ECE1: variants seen among roughly 807,000 people sequenced by gnomAD.
ECE1 encodes the protein endothelin converting enzyme 1.
In ECE1, 35 loss-of-function variants were observed where a neutral mutation model predicts 98.6. That is an observed-to-expected ratio of 0.35 (90% CI 0.27 to 0.47). ECE1 has a LOEUF of 0.47. Among genes scored for constraint, ECE1 ranks in the 20% least tolerant of loss-of-function variants. The probability of loss-of-function intolerance (pLI) is 1.00; values close to 1 mark genes in which losing one functional copy is unlikely to be tolerated. For synonymous variants in ECE1, 394 were observed against 407.1 expected (o/e 0.97, Z 0.39); for missense variants, 814 against 1,025.3 (o/e 0.79, Z 2.81).
At chr1:21,320,082 T>C (rs1322908455) in intron 1 of ECE1, among the ~76,000 whole-genome samples, 2 of 152,256 alleles carry the variant, frequency 1.3e-5, no homozygotes, top group African/African-American at 4.8e-5. Context: ...TATGAATCTG[T>C]GGTGAGCCGC....
At chr1:21,253,143 G>A (rs1171443265) in intron 8 of ECE1, among the ~76,000 whole-genome samples, 5 of 151,822 alleles carry the variant, frequency 3.3e-5, no homozygotes, top group South Asian at 2.1e-4. Flanking sequence ...TGCAACCTCC[G>A]CCTCCTGGGT....
rs2236841 is a variant in ECE1, at chr1:21,269,219, C to T, written c.493+3480G>A. ...AGGTCCCACAGCTCTGGGTCTAATC[C>T]CAGCCTCACCATTTCCTAGGAAATA... On this transcript the variant is annotated intron_variant, in intron 4 of 18. Coordinates refer to ENST00000374893, the MANE Select transcript of ECE1 (RefSeq NM_001397.3). Among the ~76,000 whole-genome samples, 9 of 152,322 alleles carry T rather than the reference C, an allele frequency of 5.9e-5. No individual in the cohort carries two copies. The East Asian group carries it at 1.7e-3, about 29-fold the overall frequency.
intron 9 of ECE1, among the ~76,000 whole-genome samples, chr1:21,245,672 C>A (rs1281719021): frequency 1.3e-5 from 2 of 152,148 alleles, no homozygotes; most frequent in African/African-American, 4.8e-5. Context: ...AACCTCTAAT[C>A]AGAATCAACC....
intron 1 of ECE1, among the ~76,000 whole-genome samples, chr1:21,334,409 C>T (rs576784599): frequency 6.6e-6 from 1 of 152,234 alleles, no homozygotes; most frequent in East Asian, 1.9e-4. Flanking sequence ...CCATCTTCCA[C>T]CAGACCAGCC....
At chr1:21,227,248 T>G in intron 15 of ECE1, 22 bp from the exon 16 acceptor site, 1 of 1,611,322 alleles carries the variant, frequency 6.2e-7, no homozygotes, top group South Asian at 1.1e-5. Context: ...GACACAAAGG[T>G]AGAGATGATG....
chr1:21,337,265 T>C (rs1375307918), intron 1 of ECE1, among the ~76,000 whole-genome samples: 1 of 152,186 alleles, frequency 6.6e-6, no homozygotes, highest in Non-Finnish European at 1.5e-5. Flanking sequence ...GAGCAGATGC[T>C]GGTACAGGCG....
At chr1:21,275,199 T>C (rs997533184) in intron 3 of ECE1, among the ~76,000 whole-genome samples, 3 of 152,158 alleles carry the variant, frequency 2.0e-5, no homozygotes, top group Non-Finnish European at 4.4e-5. Flanking sequence ...TATGTGTCTG[T>C]GTGTGAGAGA....
intron 4 of ECE1, among the ~76,000 whole-genome samples, chr1:21,265,468 G>A (rs2098232718): frequency 6.6e-6 from 1 of 152,166 alleles, no homozygotes; most frequent in African/African-American, 2.4e-5. Flanking sequence ...GATGGCGGAG[G>A]TTGCAGTGAG....
chr1:21,337,359 A>G (rs1329763759), intron 1 of ECE1, among the ~76,000 whole-genome samples: 2 of 152,230 alleles, frequency 1.3e-5, no homozygotes, highest in East Asian at 3.8e-4. Flanking sequence ...GAATCCACAC[A>G]GAGAAAGCTC....
chr1:21,343,181 C>T (rs998568648), intron 1 of ECE1, among the ~76,000 whole-genome samples: 3 of 152,170 alleles, frequency 2.0e-5, no homozygotes, highest in African/African-American at 4.8e-5. Context: ...TCTCCAAGGA[C>T]GTGCCAAAAA....
In ECE1 at chr1:21,340,703, G is replaced by C. The variant is rs1293595808; in HGVS notation, c.3+4673C>G. ...AAAAAATACAGAAGTTAGTCGCATG[G>C]TGGCACGCCTGTAATCCCAGCTACT... On this transcript the variant is annotated intron_variant, in intron 1 of 18. Coordinates refer to the ECE1 transcript ENST00000415912. The surrounding 1 kb of genome is among the most constrained non-coding windows in gnomAD (Gnocchi z 4.6). Among the ~76,000 whole-genome samples the C allele has an allele frequency of 1.3e-5, 2 of 152,140 alleles. No homozygotes were observed. Among genetic ancestry groups the C allele is most frequent in the Non-Finnish European group, 2.9e-5 (2 of 68,034 alleles).
chr1:21,247,394 G>A, intron 8 of ECE1, 31 bp from the exon 9 acceptor site: 3 of 1,614,140 alleles, frequency 1.9e-6, no homozygotes, highest in Non-Finnish European at 1.7e-6. Flanking sequence ...GTGACCCTGT[G>A]GGGCTGCTCC....
intron 1 of ECE1, chr1:21,298,660 C>T: frequency 2.3e-6 from 1 of 436,186 alleles, no homozygotes; most frequent in East Asian, 7.0e-5. Flanking sequence ...CATGTCAGCT[C>T]CTTGCAAGTG....
intron 8 of ECE1, among the ~76,000 whole-genome samples, chr1:21,248,330 T>C (rs2098207029): frequency 6.6e-6 from 1 of 152,072 alleles, no homozygotes. Flanking sequence ...CCCACCACCA[T>C]GCCCACTTAA....
chr1:21,221,917 A>C, intron 17 of ECE1, 75 bp from the exon 18 acceptor site: 6 of 1,323,140 alleles, frequency 4.5e-6, no homozygotes, highest in Non-Finnish European at 6.6e-6. Flanking sequence ...TGGAGGTCTC[A>C]GGGAGCTCCC....
chr1:21,256,189 T>A (rs1444049944), intron 7 of ECE1, 51 bp from the exon 8 acceptor site: 5 of 1,551,248 alleles, frequency 3.2e-6, no homozygotes, highest in Non-Finnish European at 4.4e-6. Context: ...CACTATCCAC[T>A]GGACGAGAGT....
chr1:21,296,925 A>AGGG (rs898598135), intron 1 of ECE1, among the ~76,000 whole-genome samples: 6 of 152,172 alleles, frequency 3.9e-5, no homozygotes, highest in African/African-American at 1.4e-4. Context: ...GGGCCTGTGC[A>AGGG]GGGGAAGGCA....
chr1:21,308,283 A>T (rs1638641149), intron 1 of ECE1, among the ~76,000 whole-genome samples: 1 of 152,094 alleles, frequency 6.6e-6, no homozygotes, highest in East Asian at 1.9e-4. Context: ...CTGCCCTCAT[A>T]CACCCTGCTA....
chr1:21,235,854 T>C lies in ECE1; in HGVS notation c.1562A>G (p.Asn521Ser), dbSNP rs1160239300. 1.2e-6 allele frequency: 2 copies of C among 1,614,074 alleles called. No individual in the cohort carries two copies. The highest frequency in any genetic ancestry group is 2.7e-5 in the African/African-American group (2 of 74,936). Residue 521 changes from asparagine to serine, a missense_variant, in exon 13 of 19, where the codon AAT becomes AGT. Physicochemically the swap from Asn to Ser is conservative, Grantham distance 46. Transcript: ENST00000374893. This position sits in a 1 kb window ranked among gnomAD's most constrained non-coding sequence, Gnocchi z 4.2. Reference sequence around the variant, plus strand: ...GGCAGGGCAGCAGCTACTCACGTCATTAAACACTTTGTCCAGCTCCTTGGG... The same window carrying C: ...GGCAGGGCAGCAGCTACTCACGTCACTAAACACTTTGTCCAGCTCCTTGGG... ...MDPKELDKVF[N>S]DYTAVPDLYF...
Sources: allele counts gnomAD v4.1 joint callset (sites outside exome capture counted in the v4.1 genomes callset), GRCh38; gene constraint gnomAD v4.1.1; non-coding constraint Gnocchi (gnomAD v3.1); transcripts MANE v1.5; gene names NCBI Gene and HGNC (gene_info 2026-07-23, HGNC 2026-07-21).